CDH2: variants seen among roughly 807,000 people sequenced by gnomAD.
CDH2 encodes the protein cadherin 2, also known as cadherin-2.
In CDH2, 17 loss-of-function variants were observed where a neutral mutation model predicts 92.0. The observed-to-expected ratio is 0.18, with a 90% CI of 0.13 to 0.28. CDH2 has a LOEUF of 0.28. Ranked by LOEUF, CDH2 falls within the 10% of genes least tolerant of loss-of-function variation. CDH2 has a pLI of 1.00. For synonymous variants in CDH2, 419 were observed against 415.9 expected (o/e 1.01, Z -0.09); for missense variants, 862 against 1,133.1 (o/e 0.76, Z 3.44).
intron 1 of CDH2, among the ~76,000 whole-genome samples, chr18:28,173,829 CAAT>C (rs1307341516): frequency 6.6e-6 from 1 of 151,932 alleles, no homozygotes; most frequent in Non-Finnish European, 1.5e-5. Context: ...TTTTTCTTAA[CAAT>C]AAACCTATGT....
intron 14 of CDH2, among the ~76,000 whole-genome samples, chr18:27,981,957 C>T (rs763420268): frequency 3.9e-5 from 6 of 152,100 alleles, no homozygotes; most frequent in African/African-American, 7.2e-5. Flanking sequence ...ACATTAATAT[C>T]GCCCATATAA....
chr18:28,043,515 TAA>T (rs2014004738), intron 2 of CDH2, among the ~76,000 whole-genome samples: 9 of 134,438 alleles, frequency 6.7e-5, no homozygotes, highest in African/African-American at 1.9e-4. Context: ...TATATATATA[TAA>T]ACAGGTTTGA....
chr18:28,082,273 T>C (rs908902287), intron 2 of CDH2, among the ~76,000 whole-genome samples: 4 of 151,802 alleles, frequency 2.6e-5, no homozygotes, highest in Non-Finnish European at 5.9e-5. Flanking sequence ...TAGCTGAGTG[T>C]AGTGGCTCAC....
intron 2 of CDH2, among the ~76,000 whole-genome samples, chr18:28,090,796 C>T (rs559032898): frequency 1.3e-5 from 2 of 152,234 alleles, no homozygotes; most frequent in South Asian, 4.1e-4. Context: ...CCTACAAATA[C>T]CCAGAAGCCA....
chr18:28,026,815 T>A (rs752812390), intron 2 of CDH2, among the ~76,000 whole-genome samples: 1 of 152,132 alleles, frequency 6.6e-6, no homozygotes, highest in Non-Finnish European at 1.5e-5. Flanking sequence ...TTAAGACAAA[T>A]GTAAGCATTA....
Position 28,147,891 on chromosome 18 carries a change from A to G in CDH2, c.61-107T>C, listed in dbSNP as rs899104004. 3.1e-5 allele frequency: 20 copies of G among 639,232 alleles called. No individual in the cohort carries two copies. The African/African-American group carries it at 3.5e-4, about 11-fold the overall frequency. The allele number at this position is 639,232 out of a possible 1,614,324, so 39.6% of individuals were successfully genotyped here. ...CCTCATTTTTTCAACTATCTTGTAC[A>G]AACAACCCCTTTGTTTCCAAGTGCT... On this transcript the variant is annotated intron_variant, in intron 1 of 15. Transcript: ENST00000269141.
intron 2 of CDH2, among the ~76,000 whole-genome samples, chr18:28,145,914 T>C (rs2144324067): frequency 6.6e-6 from 1 of 152,210 alleles, no homozygotes; most frequent in South Asian, 2.1e-4. Context: ...TTATACATAC[T>C]TTTCTCACTG....
Position 27,976,188 on chromosome 18 carries a change from C to T in CDH2, c.2349+6756G>A, listed in dbSNP as rs17498009. Among the ~76,000 whole-genome samples the T allele has an allele frequency of 1.9e-4, 29 of 152,264 alleles. No individual in the cohort carries two copies. In the East Asian group the frequency reaches 3.9e-3, roughly 20 times the overall value. On this transcript the variant is annotated intron_variant, in intron 14 of 15. Transcript: ENST00000269141. ...TTAAGGTGGGGCTTTGACAAGGACC[C>T]GTCCCTGTCTGCCTAGAGCTTCTCT... is the stretch of plus-strand genomic sequence containing the variant.
intron 2 of CDH2, among the ~76,000 whole-genome samples, chr18:28,091,723 A>G (rs961751539): frequency 1.3e-5 from 2 of 152,198 alleles, no homozygotes; most frequent in African/African-American, 4.8e-5. Context: ...TGAAAATGAC[A>G]TTAATACAAA....
At position 28,143,333 on chromosome 18, in the gene CDH2, G is replaced by C. The variant is rs553645497; in HGVS notation, c.172+4340C>G. On this transcript the variant is annotated intron_variant, in intron 2 of 15. Coordinates refer to ENST00000269141, the MANE Select transcript of CDH2 (RefSeq NM_001792.5). Reference sequence around the variant, plus strand: ...TCATAGTGTTAGATACACTGCTAGTGACAAAATGAAAATGTATGATTGCAG... The same window carrying C: ...TCATAGTGTTAGATACACTGCTAGTCACAAAATGAAAATGTATGATTGCAG... 1.4e-4 allele frequency among the ~76,000 whole-genome samples: 21 copies of C among 152,056 alleles called. 1 individual carries two copies. The South Asian group carries it at 4.4e-3, about 32-fold the overall frequency.
chr18:28,163,455 T>C lies in CDH2; in HGVS notation c.60+13508A>G, dbSNP rs369925491. Among the ~76,000 whole-genome samples, 5 of 152,324 alleles carry C rather than the reference T, an allele frequency of 3.3e-5. No homozygotes were observed. The East Asian group carries it at 5.8e-4, about 18-fold the overall frequency. Reference sequence around the variant, plus strand: ...ACTGTAGGCTTACTGAATCAGACTATCAGGGCTAGGGCCAGGGATCCACAT... The same window carrying C: ...ACTGTAGGCTTACTGAATCAGACTACCAGGGCTAGGGCCAGGGATCCACAT... On this transcript the variant is annotated intron_variant, in intron 1 of 15. Transcript: ENST00000269141.
intron 2 of CDH2, among the ~76,000 whole-genome samples, chr18:28,041,114 G>A (rs2013939903): frequency 6.6e-6 from 1 of 152,070 alleles, no homozygotes. Context: ...TATACATTGA[G>A]AGAAAAACAT....
At chr18:28,053,837 T>G (rs966912222) in intron 2 of CDH2, among the ~76,000 whole-genome samples, 1 of 152,210 alleles carries the variant, frequency 6.6e-6, no homozygotes, top group Non-Finnish European at 1.5e-5. Context: ...AAACATCCCT[T>G]GAGGAATGCA....
At chr18:28,156,466 C>CATGTCACCTTCCCAGCTACAGA (rs2016214770) in intron 1 of CDH2, among the ~76,000 whole-genome samples, 1 of 59,786 alleles carries the variant, frequency 1.7e-5, no homozygotes, top group African/African-American at 5.2e-5. Context: ...CCAGGTACAG[C>CATGTCACCTTCCCAGCTACAGA]ATGTCACCTT....
Position 27,951,223 on chromosome 18 carries a change from C to T in CDH2, c.*930G>A, listed in dbSNP as rs1909428396. 1 of 149,126 alleles carries T rather than the reference C, an allele frequency of 6.7e-6. No homozygotes were observed. The highest frequency in any genetic ancestry group is 6.7e-5 in the Admixed American group (1 of 14,978). 9.2% of individuals were successfully genotyped at this position (149,126 alleles called of 1,614,324 possible). On this transcript the variant is annotated 3_prime_UTR_variant, in exon 16 of 16. Coordinates refer to ENST00000269141, the MANE Select transcript of CDH2 (RefSeq NM_001792.5). ...TTGTGCTAAGAACTTTTCTCCCTCC[C>T]CAAACCAAAAAGAAAATAAAAAATA...
At chr18:28,139,646 C>G (rs187895852) in intron 2 of CDH2, among the ~76,000 whole-genome samples, 178 of 152,136 alleles carry the variant, frequency 1.2e-3, no homozygotes, top group Non-Finnish European at 2.1e-3. Flanking sequence ...CACTCCCTCA[C>G]TTACCTTCTA....
intron 14 of CDH2, among the ~76,000 whole-genome samples, chr18:27,970,733 A>G (rs954451098): frequency 6.6e-5 from 10 of 152,224 alleles, no homozygotes; most frequent in African/African-American, 2.4e-4. Context: ...AACAATGTTC[A>G]ACAATCTTTT....
intron 2 of CDH2, among the ~76,000 whole-genome samples, chr18:28,028,979 T>C (rs2013626516): frequency 6.6e-6 from 1 of 152,188 alleles, no homozygotes; most frequent in Non-Finnish European, 1.5e-5. Context: ...ATAAGTTCAC[T>C]GATGCCTTAT....
At chr18:28,044,967 A>C (rs530482334) in intron 2 of CDH2, among the ~76,000 whole-genome samples, 1 of 151,990 alleles carries the variant, frequency 6.6e-6, no homozygotes, top group South Asian at 2.1e-4. Context: ...CTATCCCAGA[A>C]CTTTCTTGCT....
Sources: gnomAD v4.1 joint callset for allele counts (sites outside exome capture counted in the v4.1 genomes callset) on GRCh38, gnomAD v4.1.1 for gene constraint, MANE v1.5 for transcripts, NCBI Gene and HGNC (gene_info 2026-07-23, HGNC 2026-07-21) for gene names.